Variants in SLC37A3 observed in about 807,000 individuals in gnomAD.
SLC37A3 encodes the protein sugar phosphate exchanger 3.
In SLC37A3, 51 loss-of-function variants were observed where a neutral mutation model predicts 67.1. That is an observed-to-expected ratio of 0.76 (90% confidence interval 0.61 to 0.96). SLC37A3 has a LOEUF of 0.96. Ranked by LOEUF, SLC37A3 falls within the 40% of genes least tolerant of loss-of-function variation. SLC37A3 has a pLI of 0.00. For synonymous variants in SLC37A3, 214 were observed against 231.4 expected (o/e 0.92, Z 0.68); for missense variants, 508 against 603.0 (o/e 0.84, Z 1.65).
chr7:140,362,786 C>T (rs1797402003), intron 5 of SLC37A3, among the ~76,000 whole-genome samples: 2 of 93,302 alleles, frequency 2.1e-5, no homozygotes, highest in African/African-American at 4.0e-5. Context: ...GGGGGATCAG[C>T]CCCCCGCCTG....
intron 6 of SLC37A3, among the ~76,000 whole-genome samples, chr7:140,357,727 G>C (rs1436560532): frequency 6.6e-6 from 1 of 152,012 alleles, no homozygotes; most frequent in Admixed American, 6.6e-5. Flanking sequence ...AGACCAGCCT[G>C]ACCAACATGG....
At chr7:140,353,788 C>G (rs1796912666) in intron 7 of SLC37A3, among the ~76,000 whole-genome samples, 1 of 151,956 alleles carries the variant, frequency 6.6e-6, no homozygotes, top group Non-Finnish European at 1.5e-5. Flanking sequence ...TCTTGGCTCA[C>G]TGCAACCTCC....
intron 13 of SLC37A3, among the ~76,000 whole-genome samples, chr7:140,338,829 G>C (rs891496991): frequency 2.6e-5 from 4 of 151,710 alleles, no homozygotes; most frequent in African/African-American, 9.7e-5. Context: ...ACAGTGGTGC[G>C]ATCTTGGCTC....
chr7:140,343,657 T>C, intron 12 of SLC37A3, 94 bp from the exon 13 acceptor site: 1 of 1,344,916 alleles, frequency 7.4e-7, no homozygotes, highest in Non-Finnish European at 1.0e-6. Context: ...GTTTTCTTAA[T>C]ATGTTGGAGA....
intron 7 of SLC37A3, among the ~76,000 whole-genome samples, chr7:140,353,656 T>A (rs1796904540): frequency 6.6e-6 from 1 of 152,052 alleles, no homozygotes; most frequent in South Asian, 2.1e-4. Context: ...CCTTCTTACA[T>A]AAATGGCATT....
chr7:140,394,105 A>G (rs1798827427), intron 1 of SLC37A3, among the ~76,000 whole-genome samples: 1 of 152,134 alleles, frequency 6.6e-6, no homozygotes, highest in Non-Finnish European at 1.5e-5. Flanking sequence ...CGGTAGGTGG[A>G]GACTGAAGTG....
At chr7:140,358,865 A>C in intron 5 of SLC37A3, 80 bp from the exon 6 acceptor site, 1 of 1,550,064 alleles carries the variant, frequency 6.5e-7, no homozygotes, top group Non-Finnish European at 8.8e-7. Flanking sequence ...CACTTGCTTC[A>C]GAGTAGAGAC....
chr7:140,336,075 C>T (rs915297250), intron 14 of SLC37A3, among the ~76,000 whole-genome samples: 11 of 152,246 alleles, frequency 7.2e-5, no homozygotes, highest in African/African-American at 2.7e-4. Flanking sequence ...GGACAGGATA[C>T]TGAATGCGTC....
At chr7:140,345,331 T>G in intron 11 of SLC37A3, 68 bp from the exon 12 acceptor site, 1 of 1,214,242 alleles carries the variant, frequency 8.2e-7, no homozygotes, top group Non-Finnish European at 1.2e-6. Context: ...CTGCCAACCG[T>G]ACGCGAAGAT....
intron 1 of SLC37A3, among the ~76,000 whole-genome samples, chr7:140,387,737 TATATATTATATAAATATAA>T (rs1418516271): frequency 1.5e-4 from 4 of 26,636 alleles, no homozygotes; most frequent in African/African-American, 6.6e-4. Context: ...ATAAATATAC[TATATATTATATAAATATAA>T]ATATATTATA....
chr7:140,338,584 G>A (rs1161002971), intron 13 of SLC37A3, among the ~76,000 whole-genome samples: 3 of 152,014 alleles, frequency 2.0e-5, no homozygotes, highest in African/African-American at 4.8e-5. Context: ...TGATTCTCCT[G>A]CCTCAGCCTC....
intron 1 of SLC37A3, among the ~76,000 whole-genome samples, chr7:140,387,235 C>A (rs990915592): frequency 6.6e-6 from 1 of 151,978 alleles, no homozygotes; most frequent in Non-Finnish European, 1.5e-5. Flanking sequence ...ATTTGGGAGG[C>A]CGAGGCGGGT....
chr7:140,367,433 C>G (rs1797646707), intron 4 of SLC37A3, among the ~76,000 whole-genome samples: 1 of 152,030 alleles, frequency 6.6e-6, no homozygotes, highest in Non-Finnish European at 1.5e-5. Flanking sequence ...AAGACTCCGT[C>G]TCAAAAAATA....
At chr7:140,382,859 G>C (rs930832665) in intron 1 of SLC37A3, among the ~76,000 whole-genome samples, 1 of 150,656 alleles carries the variant, frequency 6.6e-6, no homozygotes, top group African/African-American at 2.4e-5. Flanking sequence ...CATTCTTATA[G>C]AAAAAATGAG....
intron 10 of SLC37A3, among the ~76,000 whole-genome samples, chr7:140,347,836 CTGTTACG>C: frequency 6.6e-6 from 1 of 151,960 alleles, no homozygotes; most frequent in East Asian, 1.9e-4. Context: ...TTAATCCCTG[CTGTTACG>C]TCTACCTCTA....
At chr7:140,375,355 A>G (rs542371666) in intron 3 of SLC37A3, among the ~76,000 whole-genome samples, 2 of 151,754 alleles carry the variant, frequency 1.3e-5, no homozygotes, top group East Asian at 3.9e-4. Context: ...TGCACCTGTA[A>G]TCCCAGCTAC....
At chr7:140,362,443 C>A (rs1187279828) in intron 5 of SLC37A3, among the ~76,000 whole-genome samples, 2 of 128,274 alleles carry the variant, frequency 1.6e-5, no homozygotes, top group East Asian at 2.5e-4. Flanking sequence ...GCCCCCCGCC[C>A]GGCCAGCCGC....
intron 1 of SLC37A3, among the ~76,000 whole-genome samples, chr7:140,392,898 C>T (rs1798775200): frequency 6.6e-6 from 1 of 152,106 alleles, no homozygotes; most frequent in South Asian, 2.1e-4. Context: ...TTGAGACCAG[C>T]CGGGCCAACA....
At chr7:140,392,451 G>C (rs900604957) in intron 1 of SLC37A3, among the ~76,000 whole-genome samples, 1 of 151,984 alleles carries the variant, frequency 6.6e-6, no homozygotes, top group Non-Finnish European at 1.5e-5. Context: ...CCAGCCTCTC[G>C]GTTCTGGTCC....
Sources: allele counts gnomAD v4.1 joint callset (sites outside exome capture counted in the v4.1 genomes callset), GRCh38; gene constraint gnomAD v4.1.1; transcripts MANE v1.5; gene names NCBI Gene and HGNC (gene_info 2026-07-23, HGNC 2026-07-21).